The following PTPRN2 variants were observed in gnomAD, a reference collection of about 807,000 sequenced individuals.
PTPRN2 encodes receptor-type tyrosine-protein phosphatase N2.
A neutral mutation model predicts 118.8 loss-of-function variants in PTPRN2; 74 were observed. The ratio of observed to expected loss-of-function variants is 0.62; its 90% CI spans 0.52 to 0.76. The LOEUF (loss-of-function observed/expected upper bound fraction) is 0.76, where lower values mean the gene tolerates loss of function less well. Ranked by LOEUF, PTPRN2 falls within the 30% of genes least tolerant of loss-of-function variation. PTPRN2 has a pLI of 0.00. For missense variants in PTPRN2, 1,481 were observed against 1,394.4 expected (o/e 1.06, Z -0.99); for synonymous variants, 641 against 608.0 (o/e 1.05, Z -0.80).
At position 157,831,452 on chromosome 7, in the gene PTPRN2, A is replaced by C. The variant is rs1282703142; in HGVS notation, c.1788+67221T>G. Among the ~76,000 whole-genome samples, 3 of 152,112 alleles carry C rather than the reference A, an allele frequency of 2.0e-5. No individual in the cohort carries two copies. Among genetic ancestry groups the C allele is most frequent in the African/African-American group, 7.2e-5 (3 of 41,412 alleles). On this transcript the variant is annotated intron_variant, in intron 12 of 22. Coordinates refer to ENST00000389418, the MANE Select transcript of PTPRN2 (RefSeq NM_002847.5). This position sits in a 1 kb window ranked among gnomAD's most constrained non-coding sequence, Gnocchi z 4.8. The stretch of plus-strand genomic sequence containing the variant: ...GGAAGAGCAGGGCAGGGCTGGGTGC[A>C]TTTGGAGTTGCCCTGGGGCTGGGGC...
intron 12 of PTPRN2, among the ~76,000 whole-genome samples, chr7:157,705,749 G>A (rs1178553489): frequency 6.6e-6 from 1 of 151,642 alleles, no homozygotes; most frequent in Non-Finnish European, 1.5e-5. Flanking sequence ...TGGGAATTCA[G>A]TGAATCTGAC....
At chr7:158,330,402 A>T (rs1294350586) in intron 2 of PTPRN2, among the ~76,000 whole-genome samples, 1 of 52,496 alleles carries the variant, frequency 1.9e-5, no homozygotes, top group African/African-American at 6.5e-5. Context: ...AAGAGCTGAC[A>T]CCTGCAGACG....
chr7:157,586,127 G>T (rs564276253), intron 17 of PTPRN2, among the ~76,000 whole-genome samples: 21 of 152,322 alleles, frequency 1.4e-4, no homozygotes, highest in Admixed American at 1.1e-3. Context: ...CAGGCATGTG[G>T]TTAAAGTACT....
chr7:158,048,490 CATT>C lies in PTPRN2; in HGVS notation c.1723+32805_1723+32807del, dbSNP rs552301842. ...TAGGAATAATGTATATCCCTATCATCATTGTTACTATTGCCATCATCACCATCA... is the reference window on the plus strand; with the variant it reads ...TAGGAATAATGTATATCCCTATCATCGTTACTATTGCCATCATCACCATCA... On this transcript the variant is annotated intron_variant, in intron 11 of 22. Transcript: ENST00000389418. 5.3e-5 allele frequency among the ~76,000 whole-genome samples: 8 copies of C among 152,238 alleles called. No homozygotes were observed. In the South Asian group the frequency reaches 1.5e-3, roughly 28 times the overall value.
chr7:157,824,749 A>G (rs1287628602), intron 12 of PTPRN2, among the ~76,000 whole-genome samples: 1 of 152,194 alleles, frequency 6.6e-6, no homozygotes, highest in Non-Finnish European at 1.5e-5. Context: ...GCTACACTGC[A>G]GTGACCCCCA....
Position 157,618,796 on chromosome 7 carries a change from G to A in PTPRN2, c.2344+2566C>T, listed in dbSNP as rs1436554160. ...ATTTCTATCTAGGGTTCTCCCAGGA[G>A]GTGAACTTGCCGTTCTCTGTCTTCC... is the stretch of plus-strand genomic sequence containing the variant. On this transcript the variant is annotated intron_variant, in intron 15 of 22. Transcript: ENST00000389418. This position sits in a 1 kb window ranked among gnomAD's most constrained non-coding sequence, Gnocchi z 4.2. 1.3e-5 allele frequency: 2 copies of A among 152,282 alleles called. No homozygotes were observed. The highest frequency in any genetic ancestry group is 4.8e-5 in the African/African-American group (2 of 41,452). The allele number at this position is 152,282 out of a possible 1,614,324, so 9.4% of individuals were successfully genotyped here.
At chr7:157,563,622 G>A (rs113717500) in intron 21 of PTPRN2, among the ~76,000 whole-genome samples, 46,018 of 124,636 alleles carry the variant, frequency 0.37, 8,889 homozygotes, top group Middle Eastern at 0.52. Context: ...TCAGGACCAC[G>A]TGCTCCCACA....
intron 2 of PTPRN2, among the ~76,000 whole-genome samples, chr7:158,321,872 CG>C (rs977465958): frequency 1.3e-5 from 2 of 152,226 alleles, no homozygotes; most frequent in Non-Finnish European, 2.9e-5. Context: ...CAGCCGCTAA[CG>C]TGTTTAACTG....
At chr7:157,935,245 T>C (rs1414642595) in intron 11 of PTPRN2, among the ~76,000 whole-genome samples, 1 of 152,216 alleles carries the variant, frequency 6.6e-6, no homozygotes, top group Non-Finnish European at 1.5e-5. Flanking sequence ...TGTCCCACCT[T>C]TCTTGGCTCA....
intron 2 of PTPRN2, among the ~76,000 whole-genome samples, chr7:158,413,938 G>A (rs112358137): frequency 1.8e-4 from 28 of 152,240 alleles, no homozygotes; most frequent in Admixed American, 5.2e-4. Context: ...TCAGGAGTTC[G>A]AGACAAGCCT....
intron 11 of PTPRN2, among the ~76,000 whole-genome samples, chr7:157,921,635 G>A (rs1469733651): frequency 2.6e-5 from 4 of 152,162 alleles, no homozygotes; most frequent in African/African-American, 4.8e-5. Flanking sequence ...GCTGTAAGGC[G>A]AGCCCAGCCC....
chr7:158,435,448 A>G (rs1275411918), intron 2 of PTPRN2, among the ~76,000 whole-genome samples: 3 of 152,138 alleles, frequency 2.0e-5, no homozygotes, highest in Non-Finnish European at 4.4e-5. Flanking sequence ...AAAAAAAAAG[A>G]TGAGTATTGG....
Position 158,343,601 on chromosome 7 carries a change from C to T in PTPRN2, c.164-26669G>A, listed in dbSNP as rs1270380441. On this transcript the variant is annotated intron_variant, in intron 2 of 22. Coordinates refer to ENST00000389418, the MANE Select transcript of PTPRN2 (RefSeq NM_002847.5). The stretch of plus-strand genomic sequence containing the variant: ...TCGCGCAGAGGCTCAGGCAGCCATG[C>T]TGGTGGCACATGGGCTGTCGCGACT... Among the ~76,000 whole-genome samples, 6 of 149,014 alleles carry T rather than the reference C, an allele frequency of 4.0e-5. No homozygotes were observed. In the East Asian group the frequency reaches 1.2e-3, roughly 30 times the overall value.
At chr7:158,266,922 G>A (rs1253078780) in intron 3 of PTPRN2, among the ~76,000 whole-genome samples, 1 of 152,176 alleles carries the variant, frequency 6.6e-6, no homozygotes, top group African/African-American at 2.4e-5. Context: ...GCCTTCAGGG[G>A]TGGTGGGGTG....
intron 12 of PTPRN2, among the ~76,000 whole-genome samples, chr7:157,760,657 TCA>T (rs1423807551): frequency 6.6e-6 from 1 of 152,126 alleles, no homozygotes; most frequent in Non-Finnish European, 1.5e-5. Flanking sequence ...TATTCAGCGG[TCA>T]CAGTCTCCAC....
chr7:157,565,020 G>A (rs569046465), intron 21 of PTPRN2, among the ~76,000 whole-genome samples: 23 of 152,328 alleles, frequency 1.5e-4, no homozygotes, highest in South Asian at 8.3e-4. Flanking sequence ...GGCCAACCTC[G>A]AAGGCATTAT....
intron 12 of PTPRN2, among the ~76,000 whole-genome samples, chr7:157,748,601 CGTCCCTGAGCTGT>C (rs1801205203): frequency 1.4e-5 from 2 of 147,820 alleles, no homozygotes; most frequent in African/African-American, 2.5e-5. Flanking sequence ...CTGAGGTCTG[CGTCCCTGAGCTGT>C]GGGCTGTTGA....
chr7:157,597,838 G>C lies in PTPRN2; in HGVS notation c.2419-2523C>G, dbSNP rs188628514. Among the ~76,000 whole-genome samples the C allele has an allele frequency of 1.1e-4, 16 of 152,330 alleles. No individual in the cohort carries two copies. In the East Asian group the frequency reaches 2.7e-3, roughly 26 times the overall value. ...TCCTGTGGGGGCCACTGGGAAGGCG[G>C]GAACAGCATGATGATCCGAGTGGTG... On this transcript the variant is annotated intron_variant, in intron 16 of 22. Transcript: ENST00000389418.
intron 11 of PTPRN2, among the ~76,000 whole-genome samples, chr7:157,957,722 C>T (rs1041112120): frequency 6.6e-6 from 1 of 152,036 alleles, no homozygotes; most frequent in African/African-American, 2.4e-5. Context: ...CCGACCCCAC[C>T]AGGAGTGAGT....
Sources: allele counts gnomAD v4.1 joint callset (sites outside exome capture counted in the v4.1 genomes callset), GRCh38; gene constraint gnomAD v4.1.1; non-coding constraint Gnocchi (gnomAD v3.1); transcripts MANE v1.5; gene names NCBI Gene and HGNC (gene_info 2026-07-23, HGNC 2026-07-21).